TRAF6: variants seen among roughly 807,000 people sequenced by gnomAD.
TRAF6 encodes the protein TNF receptor-associated factor 6.
A neutral mutation model predicts 48.4 loss-of-function variants in TRAF6; 10 were observed. That is an observed-to-expected ratio of 0.21 (90% CI 0.13 to 0.35). The LOEUF is 0.35. Among genes scored for constraint, TRAF6 ranks in the 10% least tolerant of loss-of-function variants. The pLI, the probability that TRAF6 is intolerant of heterozygous loss-of-function variation, is 1.00. For synonymous variants in TRAF6, 186 were observed against 219.6 expected (o/e 0.85, Z 1.35); for missense variants, 397 against 661.0 (o/e 0.60, Z 4.38).
At chr11:36,496,134 C>T (rs766972346) in intron 4 of TRAF6, among the ~76,000 whole-genome samples, 3 of 152,120 alleles carry the variant, frequency 2.0e-5, no homozygotes, top group Non-Finnish European at 2.9e-5. Context: ...TAAAAGTATA[C>T]ATAGGATAGG....
At chr11:36,494,936 G>C (rs1859609707) in intron 5 of TRAF6, 40 bp downstream of exon 5, 3 of 1,371,664 alleles carry the variant, frequency 2.2e-6, no homozygotes, top group Non-Finnish European at 3.1e-6. Flanking sequence ...ACTTCTTTAA[G>C]CTGTTTATGA....
At chr11:36,503,291 T>C (rs942357873) in intron 1 of TRAF6, among the ~76,000 whole-genome samples, 3 of 151,672 alleles carry the variant, frequency 2.0e-5, no homozygotes, top group African/African-American at 7.3e-5. Context: ...TGTGGTTTAC[T>C]TAAGTTTTTT....
intron 1 of TRAF6, among the ~76,000 whole-genome samples, chr11:36,504,134 T>C (rs748794703): frequency 4.6e-5 from 7 of 152,236 alleles, no homozygotes; most frequent in Admixed American, 3.9e-4. Context: ...GGCTGTTGAC[T>C]GATCAGGTTG....
rs1859570095 is a variant in TRAF6, at chr11:36,491,988, CT to C, written c.756+562del. 2.0e-5 allele frequency among the ~76,000 whole-genome samples: 3 copies of C among 152,306 alleles called. No individual in the cohort carries two copies. In the East Asian group the frequency reaches 5.8e-4, roughly 29 times the overall value. On this transcript the variant is annotated intron_variant, in intron 6 of 6. Transcript: ENST00000526995. The stretch of plus-strand genomic sequence containing the variant: ...CTTTTTTGCCGAATGGCCCTTCCAT[CT>C]ACCCAGTGACAAAGGCCAGAAACCA...
rs766198008 is a variant in TRAF6, at chr11:36,501,367, A to G, written c.149T>C (p.Met50Thr). 1.3e-5 allele frequency: 21 copies of G among 1,614,008 alleles called. No individual in the cohort carries two copies. In the Admixed American group the frequency reaches 1.8e-4, roughly 14 times the overall value. Residue 50 changes from methionine (M) to threonine (T), a missense_variant, in exon 2 of 7, where the codon ATG (methionine) becomes ACG (threonine). By Grantham distance (81) the Met-to-Thr change is moderately conservative. Coordinates refer to ENST00000526995, the MANE Select transcript of TRAF6 (RefSeq NM_004620.4). ...TACATCATATCCCTGGATCTCCTCC[A>G]TAAATGAGCTGGAGAGGTTCCCCGT... ...ASTGNLSSSF[M>T]EEIQGYDVEF...
intron 2 of TRAF6, among the ~76,000 whole-genome samples, chr11:36,499,169 A>C (rs113449195): frequency 6.6e-6 from 1 of 152,208 alleles, no homozygotes; most frequent in Non-Finnish European, 1.5e-5. Context: ...ACAGGCAACA[A>C]AAGTTTCCTT....
rs1383699261 is a variant in TRAF6, at chr11:36,489,152, A to G, written c.*686T>C. On this transcript the variant is annotated 3_prime_UTR_variant, in exon 7 of 7. Coordinates refer to ENST00000526995, the MANE Select transcript of TRAF6 (RefSeq NM_004620.4). ...GATGCTACTTCGTAACCTCAAGGAAATAAGTAAGCAAGGCAGAAGGAACAC... is the reference window on the plus strand; with the variant it reads ...GATGCTACTTCGTAACCTCAAGGAAGTAAGTAAGCAAGGCAGAAGGAACAC... 3 of 152,520 alleles carry G rather than the reference A, an allele frequency of 2.0e-5. No individual in the cohort carries two copies. The highest frequency in any genetic ancestry group is 2.1e-4 in the South Asian group (1 of 4,832). 9.4% of individuals were successfully genotyped at this position (152,520 alleles called of 1,614,324 possible). A position where few individuals can be genotyped will look rare whatever the true frequency, so the allele number is the denominator to read the frequency against.
At chr11:36,497,595 T>C (rs944126280) in intron 3 of TRAF6, among the ~76,000 whole-genome samples, 15 of 152,218 alleles carry the variant, frequency 9.9e-5, no homozygotes, top group Non-Finnish European at 1.5e-5. Context: ...AAGGAGCAAG[T>C]AGTATATCTG....
At chr11:36,507,679 GTA>G (rs1859820276) in intron 1 of TRAF6, among the ~76,000 whole-genome samples, 1 of 66,854 alleles carries the variant, frequency 1.5e-5, no homozygotes, top group Non-Finnish European at 3.0e-5. Context: ...GTGTATATAT[GTA>G]TACATACACG....
Position 36,488,933 on chromosome 11 carries a change from G to A in TRAF6, c.*905C>T, listed in dbSNP as rs1033762871. On this transcript the variant is annotated 3_prime_UTR_variant, in exon 7 of 7. Transcript: ENST00000526995. ...CCACCAATGAGATGCCACATGCGCT[G>A]ACTACTTGGGTCACTTTTAATTTTT... 2 of 152,212 alleles carry A rather than the reference G, an allele frequency of 1.3e-5. No individual in the cohort carries two copies. Among genetic ancestry groups the A allele is most frequent in the Admixed American group, 1.3e-4 (2 of 15,286 alleles). 9.4% of individuals were successfully genotyped at this position (152,212 alleles called of 1,614,324 possible).
chr11:36,503,291 T>G (rs942357873), intron 1 of TRAF6, among the ~76,000 whole-genome samples: 4 of 151,672 alleles, frequency 2.6e-5, no homozygotes, highest in Admixed American at 6.6e-5. Context: ...TGTGGTTTAC[T>G]TAAGTTTTTT....
At chr11:36,494,728 G>A (rs1014066940) in intron 5 of TRAF6, among the ~76,000 whole-genome samples, 1 of 151,674 alleles carries the variant, frequency 6.6e-6, no homozygotes. Flanking sequence ...GAATTTTTAT[G>A]AATATACAAA....
chr11:36,497,524 C>T (rs1425556222), intron 3 of TRAF6, among the ~76,000 whole-genome samples: 2 of 152,138 alleles, frequency 1.3e-5, no homozygotes, highest in East Asian at 3.9e-4. Flanking sequence ...AGTCAGATTT[C>T]CTATTTATCA....
intron 1 of TRAF6, 62 bp from the exon 2 acceptor site, chr11:36,501,599 T>C: frequency 7.4e-6 from 9 of 1,211,876 alleles, no homozygotes; most frequent in Non-Finnish European, 1.0e-5. Flanking sequence ...ACCCCACACA[T>C]ATATATCATA....
rs781247915 is a variant in TRAF6, at chr11:36,498,558, T to C, written c.379A>G (p.Ile127Val). 1 of 1,613,460 alleles carries C rather than the reference T, an allele frequency of 6.2e-7. No homozygotes were observed. ...GGACATTTCACCATCAGAGAAAGAA[T>C]CTCACGTTTTGCAAAATTGTCTGGA... The part of the protein sequence containing the change: ...LFPDNFAKRE[I>V]LSLMVKCPNE... The change falls in exon 3 of 7, where the codon ATT becomes GTT. Residue 127 changes from isoleucine (I) to valine (V), a missense_variant. Around this residue, in one of 4 missense-constraint regions of TRAF6, gnomAD observed 245 missense variants for 349.1 expected, o/e 0.70. Transcript: ENST00000526995.
chr11:36,502,588 C>G lies in TRAF6; in HGVS notation c.-22-1051G>C, dbSNP rs183984657. Among the ~76,000 whole-genome samples, 4 of 152,168 alleles carry G rather than the reference C, an allele frequency of 2.6e-5. No individual in the cohort carries two copies. In the East Asian group the frequency reaches 7.8e-4, roughly 30 times the overall value. ...TATAAAATTCCTGGCTGCCACTTCA[C>G]CAAATCGAGGATTAAGACAGTAGTA... On this transcript the variant is annotated intron_variant, in intron 1 of 6. Coordinates refer to ENST00000526995, the MANE Select transcript of TRAF6 (RefSeq NM_004620.4).
Position 36,497,396 on chromosome 11 carries a change from C to T in TRAF6, c.448-130G>A, listed in dbSNP as rs141652158. The T allele has an allele frequency of 2.0e-3, 1,563 of 778,288 alleles. 1 individual carries two copies. The highest frequency in any genetic ancestry group is 2.5e-3 in the Non-Finnish European group (1,325 of 534,006). The allele number at this position is 778,288 out of a possible 1,614,324, so 48.2% of individuals were successfully genotyped here. A position where few individuals can be genotyped will look rare whatever the true frequency, so the allele number is the denominator to read the frequency against. On this transcript the variant is annotated intron_variant, in intron 3 of 6. Transcript: ENST00000526995. ...ACTTTGTCTAATGCACACCACAGAA[C>T]CATTCACAATATGAACGTCTTTAGC...
Position 36,490,835 on chromosome 11 carries a change from AAC to A in TRAF6, c.757-187_757-186del, listed in dbSNP as rs1859553842. 6.6e-6 allele frequency among the ~76,000 whole-genome samples: 1 copy of A among 152,176 alleles called. No individual in the cohort carries two copies. The highest frequency in any genetic ancestry group is 6.5e-5 in the Admixed American group (1 of 15,272). The stretch of plus-strand genomic sequence containing the variant: ...GACTCTGCCTCTTAGTTCACTGAAA[AAC>A]AGACTATCTGATGACTACTCTCCCA... On this transcript the variant is annotated intron_variant, in intron 6 of 6. Coordinates refer to ENST00000526995, the MANE Select transcript of TRAF6 (RefSeq NM_004620.4). This position sits in a 1 kb window ranked among gnomAD's most constrained non-coding sequence, Gnocchi z 6.4.
chr11:36,503,317 CAG>C (rs1232783767), intron 1 of TRAF6, among the ~76,000 whole-genome samples: 12 of 142,928 alleles, frequency 8.4e-5, no homozygotes, highest in Non-Finnish European at 1.5e-4. Flanking sequence ...TTTTTTGAGA[CAG>C]AGTCTCACTC....
Sources: allele counts gnomAD v4.1 joint callset (sites outside exome capture counted in the v4.1 genomes callset), GRCh38; gene constraint gnomAD v4.1.1; regional missense constraint gnomAD v4.1.1; non-coding constraint Gnocchi (gnomAD v3.1); transcripts MANE v1.5; gene names NCBI Gene and HGNC (gene_info 2026-07-23, HGNC 2026-07-21).